Variants in PRRC2C observed in about 807,000 individuals in gnomAD.
The protein encoded by PRRC2C is protein PRRC2C.
In PRRC2C, 72 loss-of-function variants were observed where a neutral mutation model predicts 317.2. The observed-to-expected ratio is 0.23, with a 90% confidence interval of 0.19 to 0.28. The LOEUF is 0.28. PRRC2C is among the 10% of genes least tolerant of loss of function. The probability of loss-of-function intolerance (pLI) is 1.00; values close to 1 mark genes in which losing one functional copy is unlikely to be tolerated. For synonymous variants in PRRC2C, 1,296 were observed against 1,205.9 expected (o/e 1.07, Z -1.55); for missense variants, 3,074 against 3,459.7 (o/e 0.89, Z 2.80).
Position 171,587,682 on chromosome 1 carries a change from G to A in PRRC2C, c.8003G>A (p.Gly2668Asp). 6.2e-7 allele frequency: 1 copy of A among 1,613,022 alleles called. No homozygotes were observed. ...ATGGAACTAAAAGCCTTTGGAAGTGGCATTGATATAAAACCAGGCACACCT... is the reference window on the plus strand; with the variant it reads ...ATGGAACTAAAAGCCTTTGGAAGTGACATTGATATAAAACCAGGCACACCT... ...SEMELKAFGS[G>D]IDIKPGTPPI... Residue 2668 changes from glycine to aspartate, a missense_variant, in exon 32 of 35, where the codon GGC (glycine) becomes GAC (aspartate). Around this residue, in one of 11 missense-constraint regions of PRRC2C, gnomAD observed 490 missense variants for 663.1 expected, o/e 0.74. Transcript: ENST00000647382.
chr1:171,545,475 G>T lies in PRRC2C; in HGVS notation c.4764-4G>T, dbSNP rs770276261. The T allele has an allele frequency of 1.3e-6, 2 of 1,549,180 alleles. No homozygotes were observed. The highest frequency in any genetic ancestry group is 2.0e-5 in the Admixed American group (1 of 49,710). ...TAGTAATATCTCAAGTTATTTTTTT[G>T]TAGGCCATTTGATGACCAGCCTGCA... is the stretch of plus-strand genomic sequence containing the variant. On this transcript the variant is annotated splice_polypyrimidine_tract_variant and splice_region_variant and intron_variant, in intron 16 of 34. Transcript: ENST00000647382.
intron 1 of PRRC2C, among the ~76,000 whole-genome samples, chr1:171,497,338 A>G (rs1430014157): frequency 2.0e-5 from 3 of 152,000 alleles, no homozygotes; most frequent in African/African-American, 4.8e-5. Context: ...TTTAATCTTG[A>G]CTCTACCACT....
chr1:171,512,448 A>C, intron 2 of PRRC2C: 1 of 385,120 alleles, frequency 2.6e-6, no homozygotes, highest in Non-Finnish European at 5.0e-6. Flanking sequence ...AAAAGGTAGA[A>C]CTGTGTGGCT....
chr1:171,557,469 C>T lies in PRRC2C; in HGVS notation c.5357C>T (p.Pro1786Leu), dbSNP rs755464240. The T allele has an allele frequency of 4.7e-5, 73 of 1,551,358 alleles. No individual in the cohort carries two copies. The highest frequency in any genetic ancestry group is 3.4e-4 in the South Asian group (29 of 84,060). ...CCAGTTCCAGCCTCAACCTCAGCTC[C>T]GGTTCCAGCCTCAACTTTAGCTCCA... ...LTPVPASTSAPVPASTLAPVL... is the reference protein window; with the variant it reads ...LTPVPASTSALVPASTLAPVL... Residue 1786 changes from proline to leucine, a missense_variant, in exon 19 of 35, where the codon CCG (proline) becomes CTG (leucine). By Grantham distance (98) the Pro-to-Leu change is moderately conservative. Coordinates refer to ENST00000647382, the MANE Select transcript of PRRC2C (RefSeq NM_001387844.1).
intron 13 of PRRC2C, 51 bp from the exon 14 acceptor site, chr1:171,535,978 A>G (rs1203188312): frequency 6.5e-7 from 1 of 1,540,372 alleles, no homozygotes; most frequent in African/African-American, 1.4e-5. Flanking sequence ...TGATTATGTT[A>G]ATTTGTCATG....
intron 28 of PRRC2C, among the ~76,000 whole-genome samples, chr1:171,582,088 C>G (rs564236502): frequency 3.3e-5 from 5 of 152,164 alleles, no homozygotes; most frequent in Admixed American, 2.6e-4. Context: ...GTGCTTTATT[C>G]CATGGAGATC....
intron 26 of PRRC2C, among the ~76,000 whole-genome samples, chr1:171,578,478 A>G (rs1229016981): frequency 6.6e-6 from 1 of 152,150 alleles, no homozygotes. Flanking sequence ...ATTTGAACCC[A>G]GGTGATAATC....
chr1:171,518,610 G>A (rs1334904209), intron 6 of PRRC2C, among the ~76,000 whole-genome samples: 1 of 129,892 alleles, frequency 7.7e-6, no homozygotes, highest in Admixed American at 8.3e-5. Context: ...CAATTCTTGT[G>A]CCTCCGCCTC....
At chr1:171,520,797 C>CTT (rs61220175) in intron 6 of PRRC2C, among the ~76,000 whole-genome samples, 14,709 of 109,178 alleles carry the variant, frequency 0.13, 1,166 homozygotes, top group South Asian at 0.25. Context: ...ATTTCTTCTC[C>CTT]TTTTTTTTTT....
At chr1:171,521,990 G>A (rs1673670685) in intron 6 of PRRC2C, among the ~76,000 whole-genome samples, 187 bp from the exon 7 acceptor site, 1 of 152,064 alleles carries the variant, frequency 6.6e-6, no homozygotes, top group African/African-American at 2.4e-5. Context: ...AGTTGCTAGT[G>A]GCAATGGCCT....
chr1:171,579,432 C>T lies in PRRC2C; in HGVS notation c.7238C>T (p.Ala2413Val). 6.2e-7 allele frequency: 1 copy of T among 1,613,844 alleles called. No individual in the cohort carries two copies. The highest frequency in any genetic ancestry group is 8.5e-7 in the Non-Finnish European group (1 of 1,179,870). ...GCACGATTGGCTCCGCCATCCTTGG[C>T]TCAACAACAGGGTTTCCAACCAGGT... is the stretch of plus-strand genomic sequence containing the variant. Reference protein sequence around the residue: ...QHARLAPPSLAQQQGFQPGLS... With the variant: ...QHARLAPPSLVQQQGFQPGLS... The change falls in exon 27 of 35, where the codon GCT becomes GTT. Residue 2413 changes from alanine to valine, a missense_variant. By Grantham distance (64) the Ala-to-Val change is moderately conservative. This residue lies in a region of PRRC2C where 490 missense variants were observed against 663.1 expected (regional missense o/e 0.74). Coordinates refer to ENST00000647382, the MANE Select transcript of PRRC2C (RefSeq NM_001387844.1).
intron 14 of PRRC2C, among the ~76,000 whole-genome samples, chr1:171,536,644 C>T (rs139660035): frequency 1.3e-5 from 2 of 152,130 alleles, no homozygotes; most frequent in Admixed American, 6.5e-5. Flanking sequence ...CCATCATTTA[C>T]CAACCTAACA....
intron 26 of PRRC2C, 114 bp downstream of exon 26, chr1:171,577,751 C>T: frequency 1.3e-5 from 10 of 741,804 alleles, no homozygotes; most frequent in South Asian, 8.3e-5. Flanking sequence ...AAGTACATTG[C>T]TGTAAATATT....
rs752839002 is a variant in PRRC2C at position 171,566,399 on chromosome 1, C to T, written c.6284C>T (p.Ala2095Val). 7.9e-5 allele frequency: 125 copies of T among 1,579,612 alleles called. No individual in the cohort carries two copies. The highest frequency in any genetic ancestry group is 1.0e-4 in the Non-Finnish European group (121 of 1,162,454). Reference protein sequence around the residue: ...PKEQRQKQPRAGPIKAQKLPD... With the variant: ...PKEQRQKQPRVGPIKAQKLPD... ...GAACAGCGGCAGAAGCAGCCACGAG[C>T]AGGACCTATCAAAGCCCAGAAGGTA... Residue 2095 changes from alanine (A) to valine (V), a missense_variant, in exon 21 of 35, where the codon GCA becomes GTA. Physicochemically the swap from Ala to Val is moderately conservative, Grantham distance 64 (BLOSUM62 0). This residue lies in a region of PRRC2C where 640 missense variants were observed against 676.1 expected (regional missense o/e 0.95). Transcript: ENST00000647382.
chr1:171,538,593 C>T (rs1677297832), intron 15 of PRRC2C, among the ~76,000 whole-genome samples: 1 of 152,118 alleles, frequency 6.6e-6, no homozygotes, highest in South Asian at 2.1e-4. Context: ...GATAAGCTTA[C>T]TCAAGTGTAC....
intron 15 of PRRC2C, among the ~76,000 whole-genome samples, chr1:171,539,338 G>A (rs1371224736): frequency 2.0e-5 from 3 of 152,146 alleles, no homozygotes; most frequent in Admixed American, 2.0e-4. Flanking sequence ...AAACCACTTA[G>A]AACATTAGAT....
intron 1 of PRRC2C, among the ~76,000 whole-genome samples, chr1:171,486,286 A>G (rs1003227631): frequency 6.6e-6 from 1 of 151,948 alleles, no homozygotes; most frequent in Non-Finnish European, 1.5e-5. Flanking sequence ...TCGGGGAATC[A>G]AGACCAACCC....
chr1:171,541,333 C>T lies in PRRC2C; in HGVS notation c.3867C>T (p.Pro1289=). ...ACAGTTTAAGTAAAGGCAAACTTCC[C>T]AAAAGAGAGGAACGGCCTGAAAACA... ...DKDSLSKGKL[P]KREERPENKK... The change falls in exon 16 of 35, where the codon CCC becomes CCT. Residue 1289 remains proline (P), a synonymous_variant. Coordinates refer to ENST00000647382, the MANE Select transcript of PRRC2C (RefSeq NM_001387844.1). The surrounding 1 kb of genome is among the most constrained non-coding windows in gnomAD (Gnocchi z 4.1). 3 of 1,613,138 alleles carry T rather than the reference C, an allele frequency of 1.9e-6. No individual in the cohort carries two copies. The highest frequency in any genetic ancestry group is 2.5e-6 in the Non-Finnish European group (3 of 1,179,692).
chr1:171,571,815 A>T (rs974330121), intron 24 of PRRC2C, among the ~76,000 whole-genome samples: 4 of 152,196 alleles, frequency 2.6e-5, no homozygotes, highest in Non-Finnish European at 5.9e-5. Flanking sequence ...AATAGTAAGA[A>T]TGTTGTTTGT....
Sources: allele counts gnomAD v4.1 joint callset (sites outside exome capture counted in the v4.1 genomes callset), GRCh38; gene constraint gnomAD v4.1.1; regional missense constraint gnomAD v4.1.1; non-coding constraint Gnocchi (gnomAD v3.1); transcripts MANE v1.5; gene names NCBI Gene and HGNC (gene_info 2026-07-23, HGNC 2026-07-21).